Variants in DNAAF6 observed in about 807,000 individuals in gnomAD.
The protein encoded by DNAAF6 is dynein axonemal assembly factor 6, also known as PIH1 domain containing 3.
A neutral mutation model predicts 13.7 loss-of-function variants in DNAAF6; 3 were observed. The observed-to-expected ratio is 0.22, with a 90% CI of 0.10 to 0.56. The LOEUF (loss-of-function observed/expected upper bound fraction) is 0.56. Ranked by LOEUF, DNAAF6 falls within the 20% of genes least tolerant of loss-of-function variation. DNAAF6 has a pLI of 0.92. For missense variants in DNAAF6, 130 were observed against 151.0 expected (o/e 0.86, Z 0.73); for synonymous variants, 54 against 49.2 (o/e 1.10, Z -0.41).
At chrX:107,234,245 C>A (rs1244546337) in intron 5 of DNAAF6, among the ~76,000 whole-genome samples, 1 of 112,101 alleles carries the variant, frequency 8.9e-6, no homozygotes, top group Non-Finnish European at 1.9e-5. Context: ...ACCTATTGGG[C>A]CTTTGCCCTA....
chrX:107,210,748 G>T (rs1330353688), intron 1 of DNAAF6, among the ~76,000 whole-genome samples: 1 of 111,182 alleles, frequency 9.0e-6, no homozygotes, highest in South Asian at 3.8e-4. Context: ...TTTAAAAATC[G>T]CTACACTGTA....
chrX:107,218,527 GGAGA>G (rs377686671), intron 3 of DNAAF6, among the ~76,000 whole-genome samples: 18 of 107,059 alleles, frequency 1.7e-4, no homozygotes, highest in African/African-American at 5.4e-4. Context: ...ATATGTATAT[GGAGA>G]GAGAGAGAGA....
intron 1 of DNAAF6, among the ~76,000 whole-genome samples, chrX:107,209,505 C>G (rs1445788292): frequency 9.0e-6 from 1 of 111,647 alleles, no homozygotes; most frequent in East Asian, 2.8e-4. Flanking sequence ...ATGATCTCGG[C>G]TCACTGCAAC....
chrX:107,227,693 A>C (rs1191736808), intron 5 of DNAAF6, among the ~76,000 whole-genome samples: 1 of 110,994 alleles, frequency 9.0e-6, no homozygotes, highest in Non-Finnish European at 1.9e-5. Flanking sequence ...ATGTCATAAC[A>C]CTCCTTCATA....
At chrX:107,213,539 A>G (rs1186144797) in intron 2 of DNAAF6, among the ~76,000 whole-genome samples, 1 of 112,062 alleles carries the variant, frequency 8.9e-6, no homozygotes, top group Non-Finnish European at 1.9e-5. Context: ...TAATGCACAA[A>G]TAAAGTTGTG....
chrX:107,213,102 C>T (rs1927898608), intron 2 of DNAAF6, 74 bp downstream of exon 2: 2 of 1,021,465 alleles, frequency 2.0e-6, no homozygotes, highest in Non-Finnish European at 2.6e-6. Flanking sequence ...TAACCTGTTC[C>T]CACCTAGCTG....
rs1370534815 is a variant in DNAAF6 at position 107,212,870 on chromosome X, C to A, written c.-3-3C>A. The A allele has an allele frequency of 1.7e-6, 2 of 1,164,708 alleles. No homozygotes were observed. Among genetic ancestry groups the A allele is most frequent in the African/African-American group, 1.8e-5 (1 of 55,049 alleles). ...ACCTCTTTCTGATTATCTTTTTCTT[C>A]AGATAATGGAATCTGAAAATATGGA... On this transcript the variant is annotated splice_polypyrimidine_tract_variant and splice_region_variant and intron_variant, in intron 1 of 6. Transcript: ENST00000372453.
chrX:107,220,310 A>T (rs1928093737), intron 4 of DNAAF6, among the ~76,000 whole-genome samples: 5 of 112,149 alleles, frequency 4.5e-5, no homozygotes, highest in Non-Finnish European at 7.5e-5. Flanking sequence ...AGTAAATTTG[A>T]AGTTATGTTT....
At chrX:107,235,794 G>T (rs966483859) in intron 5 of DNAAF6, among the ~76,000 whole-genome samples, 2 of 110,079 alleles carry the variant, frequency 1.8e-5, no homozygotes, top group Non-Finnish European at 3.8e-5. Context: ...GGGGGGGGAG[G>T]TATAATTTGT....
At chrX:107,219,732 A>G (rs1359929814) in intron 4 of DNAAF6, among the ~76,000 whole-genome samples, 1 of 111,511 alleles carries the variant, frequency 9.0e-6, no homozygotes, top group African/African-American at 3.3e-5. Context: ...GTACTATATA[A>G]ATTCTTAAAG....
chrX:107,218,721 G>A, intron 3 of DNAAF6, 143 bp from the exon 4 acceptor site: 2 of 508,535 alleles, frequency 3.9e-6, no homozygotes, highest in Non-Finnish European at 6.2e-6. Flanking sequence ...TACTAATTTA[G>A]TTTGTTTTGA....
At chrX:107,232,360 T>C (rs1194264741) in intron 5 of DNAAF6, among the ~76,000 whole-genome samples, 1 of 110,284 alleles carries the variant, frequency 9.1e-6, no homozygotes, top group East Asian at 2.8e-4. Flanking sequence ...CATAAACCTT[T>C]TTCCCAACAT....
At chrX:107,210,081 T>C (rs1366565804) in intron 1 of DNAAF6, among the ~76,000 whole-genome samples, 2 of 111,186 alleles carry the variant, frequency 1.8e-5, no homozygotes, top group African/African-American at 3.3e-5. Flanking sequence ...CTTTAGCTCA[T>C]TGTGGCTAGT....
chrX:107,229,329 G>T lies in DNAAF6; in HGVS notation c.429+6488G>T, dbSNP rs1443315652. ...ATTTTCATATTTTTAGTAGAGACGG[G>T]TTCCCAGGCTGGTCTCCAACTCCTG... is the stretch of plus-strand genomic sequence containing the variant. On this transcript the variant is annotated intron_variant, in intron 5 of 6. Coordinates refer to ENST00000372453, the MANE Select transcript of DNAAF6 (RefSeq NM_173494.2). 5.7e-5 allele frequency among the ~76,000 whole-genome samples: 6 copies of T among 106,087 alleles called. No individual in the cohort carries two copies. In the Admixed American group the frequency reaches 6.1e-4, roughly 11 times the overall value. The allele number at this position is 106,087 out of a possible 115,157, so 92.1% of individuals were successfully genotyped here. A position where few individuals can be genotyped will look rare whatever the true frequency, so the allele number is the denominator to read the frequency against.
chrX:107,220,902 CCTTTCTTTCTTTCTTTCTTTCTTTCTTT>C (rs200337352), intron 4 of DNAAF6, among the ~76,000 whole-genome samples: 16 of 87,167 alleles, frequency 1.8e-4, no homozygotes, highest in East Asian at 1.5e-3. Context: ...TTTCTTTCTC[CCTTTCTTTCTTTCTTTCTTTCTTTCTTT>C]CTTTCTTTCT....
chrX:107,217,825 T>C (rs1928027537), intron 3 of DNAAF6, among the ~76,000 whole-genome samples: 1 of 112,066 alleles, frequency 8.9e-6, no homozygotes, highest in African/African-American at 3.2e-5. Flanking sequence ...ATTTCAGTTA[T>C]TATTGCTATA....
intron 1 of DNAAF6, among the ~76,000 whole-genome samples, chrX:107,208,934 T>C (rs1375603603): frequency 8.9e-6 from 1 of 112,282 alleles, no homozygotes; most frequent in East Asian, 2.8e-4. Flanking sequence ...GCATCTTCCT[T>C]AAATATATTT....
chrX:107,212,154 C>A (rs1927870737), intron 1 of DNAAF6, among the ~76,000 whole-genome samples: 1 of 111,304 alleles, frequency 9.0e-6, no homozygotes, highest in African/African-American at 3.3e-5. Context: ...TTCCAAATAA[C>A]TGGTAGGGAT....
chrX:107,220,902 C>CCTTTCTTT (rs200337352), intron 4 of DNAAF6, among the ~76,000 whole-genome samples: 167 of 87,165 alleles, frequency 1.9e-3, no homozygotes, highest in African/African-American at 6.9e-3. Context: ...TTTCTTTCTC[C>CCTTTCTTT]CTTTCTTTCT....
Sources: allele counts gnomAD v4.1 joint callset (sites outside exome capture counted in the v4.1 genomes callset), GRCh38; gene constraint gnomAD v4.1.1; transcripts MANE v1.5; gene names NCBI Gene and HGNC (gene_info 2026-07-23, HGNC 2026-07-21).